The following MANBAL variants were observed in gnomAD, a reference collection of about 807,000 sequenced individuals.
MANBAL encodes protein MANBAL.
In MANBAL, 1 loss-of-function variant was observed where a neutral mutation model predicts 6.4. The ratio of observed to expected loss-of-function variants is 0.16; its 90% CI spans 0.06 to 0.74. The LOEUF is 0.74. MANBAL is among the 30% of genes least tolerant of loss of function. The pLI is 0.78. For missense variants in MANBAL, 100 were observed against 107.8 expected, an observed-to-expected ratio of 0.93 and a Z score of 0.32; for synonymous variants, 47 against 45.8, an observed-to-expected ratio of 1.03 and a Z score of -0.10.
At chr20:37,310,672 A>G (rs940990893) in intron 2 of MANBAL, among the ~76,000 whole-genome samples, 1 of 152,144 alleles carries the variant, frequency 6.6e-6, no homozygotes, top group African/African-American at 2.4e-5. Flanking sequence ...AATAGCAGCA[A>G]TTTTCTGGCC....
intron 1 of MANBAL, 116 bp from the exon 2 acceptor site, chr20:37,301,092 T>C: frequency 1.8e-6 from 1 of 546,882 alleles, no homozygotes; most frequent in Non-Finnish European, 2.7e-6. Flanking sequence ...GCAGTGATCA[T>C]GCCATTGCAC....
intron 1 of MANBAL, among the ~76,000 whole-genome samples, chr20:37,293,243 T>C (rs11906863): frequency 6.6e-6 from 1 of 152,188 alleles, no homozygotes; most frequent in Non-Finnish European, 1.5e-5. Flanking sequence ...GGAATGATCA[T>C]ACAACTCACC....
chr20:37,305,718 C>CA (rs1013332895), intron 2 of MANBAL, among the ~76,000 whole-genome samples: 13 of 145,906 alleles, frequency 8.9e-5, no homozygotes, highest in African/African-American at 3.1e-4. Flanking sequence ...GGATCAGTAG[C>CA]AAAAAAATAC....
chr20:37,301,446 G>A (rs764061687), intron 2 of MANBAL, 33 bp downstream of exon 2: 1 of 1,606,562 alleles, frequency 6.2e-7, no homozygotes, highest in South Asian at 1.1e-5. Flanking sequence ...CAGCTCCTCT[G>A]AGTGCCAGGC....
intron 2 of MANBAL, 52 bp downstream of exon 2, chr20:37,301,465 G>T: frequency 6.3e-7 from 1 of 1,594,826 alleles, no homozygotes; most frequent in South Asian, 1.1e-5. Context: ...GCTGGGTTCT[G>T]AGTACTAACA....
chr20:37,290,836 T>G (rs898856660), intron 1 of MANBAL, among the ~76,000 whole-genome samples: 1 of 152,210 alleles, frequency 6.6e-6, no homozygotes, highest in Non-Finnish European at 1.5e-5. Flanking sequence ...CTTGAACTCC[T>G]GGAGGCAAGA....
intron 2 of MANBAL, among the ~76,000 whole-genome samples, chr20:37,307,028 A>G (rs558427449): frequency 6.2e-4 from 95 of 152,302 alleles, no homozygotes; most frequent in African/African-American, 2.1e-3. Flanking sequence ...CAGTGGCACA[A>G]TCGTAGCTCA....
At chr20:37,306,797 G>A (rs2069268903) in intron 2 of MANBAL, among the ~76,000 whole-genome samples, 1 of 152,186 alleles carries the variant, frequency 6.6e-6, no homozygotes, top group Admixed American at 6.5e-5. Context: ...GATCAATGAT[G>A]TCTGTTTGCT....
intron 2 of MANBAL, among the ~76,000 whole-genome samples, chr20:37,307,462 C>T (rs1195261825): frequency 6.6e-6 from 1 of 152,134 alleles, no homozygotes; most frequent in Non-Finnish European, 1.5e-5. Flanking sequence ...GGAATAGAGA[C>T]CTGACAATTA....
chr20:37,296,491 T>C (rs1339290646), intron 1 of MANBAL, among the ~76,000 whole-genome samples: 1 of 152,244 alleles, frequency 6.6e-6, no homozygotes, highest in Non-Finnish European at 1.5e-5. Flanking sequence ...TTGCAAAGAC[T>C]TTCCACTGAC....
chr20:37,316,218 G>A, intron 2 of MANBAL, 90 bp from the exon 3 acceptor site: 1 of 1,192,168 alleles, frequency 8.4e-7, no homozygotes, highest in African/African-American at 1.5e-5. Flanking sequence ...TGTTTCTGTG[G>A]CATGCTTCTT....
intron 2 of MANBAL, among the ~76,000 whole-genome samples, chr20:37,312,658 G>T (rs1024833178): frequency 6.6e-6 from 1 of 152,044 alleles, no homozygotes; most frequent in Non-Finnish European, 1.5e-5. Flanking sequence ...TTTTAGAGAG[G>T]GAATCTCTCT....
At chr20:37,293,318 T>C (rs553973360) in intron 1 of MANBAL, among the ~76,000 whole-genome samples, 1 of 151,816 alleles carries the variant, frequency 6.6e-6, no homozygotes, top group East Asian at 1.9e-4. Context: ...CGTCTGGGGG[T>C]GATGGGAGAC....
At chr20:37,301,758 C>G (rs1347983420) in intron 2 of MANBAL, among the ~76,000 whole-genome samples, 1 of 152,178 alleles carries the variant, frequency 6.6e-6, no homozygotes, top group Non-Finnish European at 1.5e-5. Flanking sequence ...GGCTATATAA[C>G]AAGGGGGAGA....
rs964706448 is a variant in MANBAL, at chr20:37,316,930, C to T, written c.*515C>T. 6.6e-6 allele frequency: 1 copy of T among 152,664 alleles called. No homozygotes were observed. Among genetic ancestry groups the T allele is most frequent in the African/African-American group, 2.4e-5 (1 of 41,448 alleles). 9.5% of individuals were successfully genotyped at this position (152,664 alleles called of 1,614,324 possible). ...CCATGGACATGCAGCGTTAGTGATC[C>T]CACTAGCTGTGACAGCCAGGCCCAG... is the stretch of plus-strand genomic sequence containing the variant. On this transcript the variant is annotated 3_prime_UTR_variant, in exon 3 of 3. Transcript: ENST00000373606.
rs760093674 is a variant in MANBAL, at chr20:37,301,254, G to A, written c.-10G>A. 16 of 1,584,844 alleles carry A rather than the reference G, an allele frequency of 1.0e-5. No individual in the cohort carries two copies. The East Asian group carries it at 1.6e-4, about 16-fold the overall frequency. On this transcript the variant is annotated 5_prime_UTR_variant, in exon 2 of 3. Coordinates refer to ENST00000373606, the MANE Select transcript of MANBAL (RefSeq NM_001003897.2). ...TCAGAAGAGACGTCAGGCAGCAAGCGACTTGGGCCATGGCCTCTGACCTAG... is the reference window on the plus strand; with the variant it reads ...TCAGAAGAGACGTCAGGCAGCAAGCAACTTGGGCCATGGCCTCTGACCTAG...
chr20:37,301,416 G>A lies in MANBAL; in HGVS notation c.150+3G>A, dbSNP rs762482828. On this transcript the variant is annotated splice_donor_region_variant and intron_variant, in intron 2 of 2. Coordinates refer to ENST00000373606, the MANE Select transcript of MANBAL (RefSeq NM_001003897.2). ...CCATTCCCAAGTCCCACGAGGCGGTGAGTTTTTCCCTGGGAGCCTCAGCTC... is the reference window on the plus strand; with the variant it reads ...CCATTCCCAAGTCCCACGAGGCGGTAAGTTTTTCCCTGGGAGCCTCAGCTC... 6.8e-6 allele frequency: 11 copies of A among 1,610,138 alleles called. No individual in the cohort carries two copies. In the East Asian group the frequency reaches 2.5e-4, roughly 36 times the overall value.
chr20:37,298,743 T>TA (rs2069061481), intron 1 of MANBAL: 1 of 148,504 alleles, frequency 6.7e-6, no homozygotes, highest in African/African-American at 2.5e-5. Context: ...TCAATTCAAT[T>TA]TTTTTTTTTT....
chr20:37,315,629 C>T (rs1170908876), intron 2 of MANBAL, among the ~76,000 whole-genome samples: 1 of 152,262 alleles, frequency 6.6e-6, no homozygotes, highest in Non-Finnish European at 1.5e-5. Context: ...AGAGCTGCTC[C>T]TGTCGCCCAG....
Sources: allele counts gnomAD v4.1 joint callset (sites outside exome capture counted in the v4.1 genomes callset), GRCh38; gene constraint gnomAD v4.1.1; transcripts MANE v1.5; gene names NCBI Gene and HGNC (gene_info 2026-07-23, HGNC 2026-07-21).